PKN2: variants seen among roughly 807,000 people sequenced by gnomAD.
PKN2 encodes serine/threonine-protein kinase N2.
PKN2 carries 38 observed loss-of-function variants against 119.1 expected under a neutral mutation model. The ratio of observed to expected loss-of-function variants is 0.32; its 90% CI spans 0.25 to 0.42. The LOEUF (loss-of-function observed/expected upper bound fraction) is 0.42. Among genes scored for constraint, PKN2 ranks in the 10% least tolerant of loss-of-function variants. PKN2 has a pLI of 1.00. For synonymous variants in PKN2, 390 were observed against 384.9 expected, an observed-to-expected ratio of 1.01 and a Z score of -0.15; for missense variants, 850 against 1,165.1, an observed-to-expected ratio of 0.73 and a Z score of 3.94.
chr1:88,705,300 T>G (rs1377449601), intron 1 of PKN2, among the ~76,000 whole-genome samples: 1 of 152,174 alleles, frequency 6.6e-6, no homozygotes, highest in East Asian at 1.9e-4. Flanking sequence ...ACATTTAGTT[T>G]TATGATCCAT....
chr1:88,790,876 C>T (rs903945828), intron 8 of PKN2, among the ~76,000 whole-genome samples: 9 of 152,054 alleles, frequency 5.9e-5, no homozygotes, highest in Admixed American at 5.2e-4. Flanking sequence ...ATTTTTACAA[C>T]TGAAAAATTT....
At chr1:88,691,270 G>A (rs1183579246) in intron 1 of PKN2, among the ~76,000 whole-genome samples, 1 of 151,812 alleles carries the variant, frequency 6.6e-6, no homozygotes, top group South Asian at 2.1e-4. Context: ...TTGCCATGTT[G>A]CCCGGGTTGG....
chr1:88,797,104 C>T (rs936512841), intron 8 of PKN2, among the ~76,000 whole-genome samples: 11 of 151,362 alleles, frequency 7.3e-5, no homozygotes, highest in Non-Finnish European at 1.0e-4. Context: ...GAGGCTGAGG[C>T]GGGCGGATCA....
At chr1:88,804,942 G>A (rs1230896282) in intron 10 of PKN2, 21 bp downstream of exon 10, 1 of 1,103,940 alleles carries the variant, frequency 9.1e-7, no homozygotes, top group Non-Finnish European at 1.4e-6. Flanking sequence ...ACAATCAAAT[G>A]CATAGCATTT....
At chr1:88,740,417 G>T (rs2100743432) in intron 1 of PKN2, among the ~76,000 whole-genome samples, 1 of 152,132 alleles carries the variant, frequency 6.6e-6, no homozygotes, top group South Asian at 2.1e-4. Context: ...GTGCAGTTTA[G>T]TTACATAAAT....
At chr1:88,743,615 C>T (rs1668657384) in intron 2 of PKN2, among the ~76,000 whole-genome samples, 1 of 152,174 alleles carries the variant, frequency 6.6e-6, no homozygotes, top group South Asian at 2.1e-4. Context: ...TGTTATATCA[C>T]TAAACTGTCT....
chr1:88,820,073 A>G (rs893787574), intron 16 of PKN2, among the ~76,000 whole-genome samples: 2 of 151,296 alleles, frequency 1.3e-5, no homozygotes, highest in African/African-American at 4.9e-5. Flanking sequence ...GCAAATCACC[A>G]TGACACGTGA....
intron 8 of PKN2, among the ~76,000 whole-genome samples, chr1:88,797,719 G>A (rs72724759): frequency 2.1e-3 from 318 of 151,542 alleles, no homozygotes; most frequent in Non-Finnish European, 2.4e-3. Context: ...TTAATTATCT[G>A]TGCCTCACTT....
intron 2 of PKN2, among the ~76,000 whole-genome samples, chr1:88,743,690 C>T (rs1435237416): frequency 6.6e-6 from 1 of 152,130 alleles, no homozygotes; most frequent in African/African-American, 2.4e-5. Flanking sequence ...GAAACTGAAA[C>T]ATAGTAGATG....
chr1:88,828,367 T>G (rs560085040), intron 18 of PKN2, 114 bp from the exon 19 acceptor site: 92 of 800,092 alleles, frequency 1.1e-4, no homozygotes, highest in Non-Finnish European at 1.6e-4. Flanking sequence ...CTGAATTTGT[T>G]CACCATGCAC....
At chr1:88,791,021 T>C (rs544419895) in intron 8 of PKN2, among the ~76,000 whole-genome samples, 1 of 152,352 alleles carries the variant, frequency 6.6e-6, no homozygotes, top group Non-Finnish European at 1.5e-5. Flanking sequence ...AATTTTCTTC[T>C]TGAATTGTCT....
intron 2 of PKN2, among the ~76,000 whole-genome samples, chr1:88,757,965 C>T (rs900328619): frequency 8.8e-5 from 13 of 147,026 alleles, no homozygotes; most frequent in African/African-American, 2.8e-4. Flanking sequence ...TGCTTGAACC[C>T]AGGAGGCGGA....
intron 1 of PKN2, among the ~76,000 whole-genome samples, chr1:88,694,502 A>C (rs1001781345): frequency 6.6e-6 from 1 of 152,114 alleles, no homozygotes; most frequent in Non-Finnish European, 1.5e-5. Flanking sequence ...TATGTACCTT[A>C]GTTTATTCAT....
chr1:88,792,243 A>G (rs767463854), intron 8 of PKN2, among the ~76,000 whole-genome samples: 1 of 152,112 alleles, frequency 6.6e-6, no homozygotes, highest in Non-Finnish European at 1.5e-5. Flanking sequence ...CGTCTCTACT[A>G]AAAATACAAA....
rs879249245 is a variant in PKN2, at chr1:88,805,027, A to G, written c.1501+106A>G. ...TGTGTGGGTTTTTTTGTTGTTGTTT[A>G]TTCATTTATTTCTAACTTCTTATTA... On this transcript the variant is annotated intron_variant, in intron 10 of 21. Transcript: ENST00000370521. 5.3e-5 allele frequency: 31 copies of G among 587,414 alleles called. No individual in the cohort carries two copies. In the South Asian group the frequency reaches 7.0e-4, roughly 13 times the overall value. 36.4% of individuals were successfully genotyped at this position (587,414 alleles called of 1,614,324 possible).
At chr1:88,698,178 C>T (rs1221962842) in intron 1 of PKN2, among the ~76,000 whole-genome samples, 2 of 152,076 alleles carry the variant, frequency 1.3e-5, no homozygotes, top group African/African-American at 2.4e-5. Flanking sequence ...GTCCTCTTGT[C>T]TCTCAGTTTT....
intron 1 of PKN2, among the ~76,000 whole-genome samples, chr1:88,710,064 T>A (rs72722797): frequency 0.052 from 7,841 of 152,240 alleles, 387 homozygotes; most frequent in African/African-American, 0.12. Flanking sequence ...ATGCTGAATT[T>A]GAAATCAATA....
At chr1:88,768,214 G>A (rs1049638406) in intron 3 of PKN2, among the ~76,000 whole-genome samples, 4 of 152,150 alleles carry the variant, frequency 2.6e-5, no homozygotes, top group Admixed American at 2.6e-4. Context: ...GTTTTCTACA[G>A]TTGCTGTAAC....
chr1:88,728,011 T>G (rs960059878), intron 1 of PKN2, among the ~76,000 whole-genome samples: 8 of 128,300 alleles, frequency 6.2e-5, no homozygotes, highest in Non-Finnish European at 1.3e-4. Flanking sequence ...AGGTTTTTCT[T>G]GGGGCTTTTT....
Sources: allele counts gnomAD v4.1 joint callset (sites outside exome capture counted in the v4.1 genomes callset), GRCh38; gene constraint gnomAD v4.1.1; transcripts MANE v1.5; gene names NCBI Gene and HGNC (gene_info 2026-07-23, HGNC 2026-07-21).